The following IRS1 variants were observed in gnomAD, a reference collection of about 807,000 sequenced individuals.
The protein encoded by IRS1 is insulin receptor substrate 1.
Under a neutral mutation model 65.6 loss-of-function variants are expected in IRS1, and 34 were observed. The ratio of observed to expected loss-of-function variants is 0.52; its 90% CI spans 0.39 to 0.69. IRS1 has a LOEUF of 0.69. Ranked by LOEUF, IRS1 falls within the 30% of genes least tolerant of loss-of-function variation. The pLI, the probability that IRS1 is intolerant of heterozygous loss-of-function variation, is 0.00. For missense variants in IRS1, 1,641 were observed against 1,720.2 expected (o/e 0.95, Z 0.81); for synonymous variants, 699 against 683.5 (o/e 1.02, Z -0.35).
In IRS1 at chr2:226,794,844, A is replaced by G; in HGVS notation, c.*21+145T>C. 1 of 766,906 alleles carries G rather than the reference A, an allele frequency of 1.3e-6. No individual in the cohort carries two copies. The highest frequency in any genetic ancestry group is 1.5e-5 in the South Asian group (1 of 66,488). The allele number at this position is 766,906 out of a possible 1,614,324, so 47.5% of individuals were successfully genotyped here. Reference sequence around the variant, plus strand: ...CTCTGCCAGATGTCAGTGTGGGGTGAGCATCTTGTGTGCCCTGAGAATGTA... The same window carrying G: ...CTCTGCCAGATGTCAGTGTGGGGTGGGCATCTTGTGTGCCCTGAGAATGTA... On this transcript the variant is annotated intron_variant, in intron 1 of 1. Coordinates refer to ENST00000305123, the MANE Select transcript of IRS1 (RefSeq NM_005544.3). The surrounding 1 kb of genome is among the most constrained non-coding windows in gnomAD (Gnocchi z 4.1).
intron 1 of IRS1, chr2:226,792,040 G>A (rs1303719757): frequency 2.0e-5 from 3 of 152,404 alleles, no homozygotes; most frequent in African/African-American, 4.8e-5. Context: ...TGGGGAAAGG[G>A]GAGGGAGGGG....
chr2:226,768,707 G>A (rs1402292126), intron 1 of IRS1, among the ~76,000 whole-genome samples: 2 of 152,078 alleles, frequency 1.3e-5, no homozygotes, highest in Non-Finnish European at 2.9e-5. Context: ...CGCTATCTCG[G>A]CTCGCTGCAA....
chr2:226,748,562 T>G (rs1938605925), intron 1 of IRS1, among the ~76,000 whole-genome samples: 1 of 152,154 alleles, frequency 6.6e-6, no homozygotes, highest in Non-Finnish European at 1.5e-5. Context: ...AAGAGGCTAT[T>G]CCTAAATCAG....
chr2:226,781,865 TACACACAC>T (rs34695433), intron 1 of IRS1, among the ~76,000 whole-genome samples: 154 of 131,594 alleles, frequency 1.2e-3, no homozygotes, highest in East Asian at 8.6e-3. Flanking sequence ...CACCCCTAAA[TACACACAC>T]ACACACACAC....
At chr2:226,756,032 C>T in intron 1 of IRS1, among the ~76,000 whole-genome samples, 1 of 152,200 alleles carries the variant, frequency 6.6e-6, no homozygotes, top group Non-Finnish European at 1.5e-5. Flanking sequence ...CACTCACTTT[C>T]AGCCTTATAA....
intron 1 of IRS1, among the ~76,000 whole-genome samples, chr2:226,767,078 A>G (rs1481622107): frequency 6.6e-6 from 1 of 152,190 alleles, no homozygotes; most frequent in Non-Finnish European, 1.5e-5. Flanking sequence ...TTAGTGCCAA[A>G]TGTTTCTACT....
rs769425915 is a variant in IRS1 at position 226,797,123 on chromosome 2, G to A, written c.1616C>T (p.Thr539Ile). 2 of 1,613,732 alleles carry A rather than the reference G, an allele frequency of 1.2e-6. No individual in the cohort carries two copies. The highest frequency in any genetic ancestry group is 1.7e-6 in the Non-Finnish European group (2 of 1,180,026). Residue 539 changes from threonine to isoleucine, a missense_variant, in exon 1 of 2, where the codon ACC becomes ATC. Coordinates refer to ENST00000305123, the MANE Select transcript of IRS1 (RefSeq NM_005544.3). The surrounding 1 kb of genome is among the most constrained non-coding windows in gnomAD (Gnocchi z 8.1). ...GTSPTITHQK[T>I]PSQSSVASIE... ...GGAAGCCACTGAGGACTGGGACGGG[G>A]TCTTCTGGTGGGTAATGGTAGGGGA... is the stretch of plus-strand genomic sequence containing the variant.
chr2:226,767,441 G>A (rs112344463), intron 1 of IRS1, among the ~76,000 whole-genome samples: 1 of 152,188 alleles, frequency 6.6e-6, no homozygotes, highest in Non-Finnish European at 1.5e-5. Context: ...TGGAATGTTT[G>A]GTGGAGGCTT....
intron 1 of IRS1, among the ~76,000 whole-genome samples, chr2:226,776,064 A>G (rs1338069641): frequency 2.6e-5 from 4 of 152,188 alleles, no homozygotes; most frequent in African/African-American, 9.7e-5. Context: ...TGATGATTTT[A>G]GAACTGGGGC....
At chr2:226,766,353 G>A (rs1281798509) in intron 1 of IRS1, among the ~76,000 whole-genome samples, 2 of 149,532 alleles carry the variant, frequency 1.3e-5, no homozygotes, top group Non-Finnish European at 3.0e-5. Context: ...TAGTAGAGAC[G>A]GGGTTTTGCC....
chr2:226,768,511 C>T (rs867616870), intron 1 of IRS1, among the ~76,000 whole-genome samples: 24 of 152,106 alleles, frequency 1.6e-4, no homozygotes, highest in African/African-American at 4.8e-4. Context: ...ATAAACCAAA[C>T]CAAAGCCAAA....
At chr2:226,754,630 G>A (rs1033025051) in intron 1 of IRS1, among the ~76,000 whole-genome samples, 3 of 152,132 alleles carry the variant, frequency 2.0e-5, no homozygotes, top group African/African-American at 7.2e-5. Flanking sequence ...TAAAAAGCAT[G>A]GGTGGAAGTA....
rs1574666723 is a variant in IRS1, at chr2:226,797,808, T to G, written c.931A>C (p.Thr311Pro). 2 of 1,597,402 alleles carry G rather than the reference T, an allele frequency of 1.3e-6. No individual in the cohort carries two copies. Among genetic ancestry groups the G allele is most frequent in the Non-Finnish European group, 1.7e-6 (2 of 1,173,944 alleles). ...RRSRTESITATSPASMVGGKP... is the reference protein window; with the variant it reads ...RRSRTESITAPSPASMVGGKP... Reference sequence around the variant, plus strand: ...CCGCCCACCATGCTGGCCGGGGAGGTGGCGGTGATGCTCTCAGTGCGTGAT... The same window carrying G: ...CCGCCCACCATGCTGGCCGGGGAGGGGGCGGTGATGCTCTCAGTGCGTGAT... The change falls in exon 1 of 2, where the codon ACC becomes CCC. Residue 311 changes from threonine (T) to proline (P), a missense_variant. Transcript: ENST00000305123. The surrounding 1 kb of genome is among the most constrained non-coding windows in gnomAD (Gnocchi z 8.1).
At chr2:226,766,022 C>T (rs1939022726) in intron 1 of IRS1, among the ~76,000 whole-genome samples, 1 of 145,758 alleles carries the variant, frequency 6.9e-6, no homozygotes, top group South Asian at 2.2e-4. Flanking sequence ...GTTTCAACTT[C>T]GACTTCTTGT....
intron 1 of IRS1, among the ~76,000 whole-genome samples, chr2:226,775,933 CT>C (rs572926231): frequency 5.4e-5 from 8 of 149,200 alleles, no homozygotes; most frequent in Middle Eastern, 7.0e-3. Context: ...TGCAACTATC[CT>C]TTTTTTTTTC....
chr2:226,777,432 A>C (rs1314909077), intron 1 of IRS1, among the ~76,000 whole-genome samples: 2 of 152,220 alleles, frequency 1.3e-5, no homozygotes, highest in Non-Finnish European at 2.9e-5. Flanking sequence ...AAAGTTCCTT[A>C]CCACTTATAG....
At chr2:226,746,089 T>C (rs932016962) in intron 1 of IRS1, among the ~76,000 whole-genome samples, 1 of 151,940 alleles carries the variant, frequency 6.6e-6, no homozygotes, top group African/African-American at 2.4e-5. Context: ...ATGAATGCTA[T>C]CTACAGAAAC....
rs371585893 is a variant in IRS1 at position 226,798,286 on chromosome 2, G to A, written c.453C>T (p.Tyr151=). Residue 151 remains tyrosine (Y), a synonymous_variant, in exon 1 of 2, where the codon TAC becomes TAT. Transcript: ENST00000305123. This position sits in a 1 kb window ranked among gnomAD's most constrained non-coding sequence, Gnocchi z 9.4. ...GLGEAGEDLS[Y]GDVPPGPAFK... ...ATGCGGGTCCTGGGGGCACGTCACCGTAGCTCAAGTCCTCCCCAGCCTCAC... is the reference window on the plus strand; with the variant it reads ...ATGCGGGTCCTGGGGGCACGTCACCATAGCTCAAGTCCTCCCCAGCCTCAC... The A allele has an allele frequency of 2.5e-6, 4 of 1,612,870 alleles. No homozygotes were observed. Among genetic ancestry groups the A allele is most frequent in the Non-Finnish European group, 3.4e-6 (4 of 1,179,906 alleles).
chr2:226,776,776 G>C (rs946198907), intron 1 of IRS1, among the ~76,000 whole-genome samples: 1 of 152,054 alleles, frequency 6.6e-6, no homozygotes, highest in Non-Finnish European at 1.5e-5. Flanking sequence ...GCATGGTGGC[G>C]CACACCCATA....
Sources: gnomAD v4.1 joint callset for allele counts (sites outside exome capture counted in the v4.1 genomes callset) on GRCh38, gnomAD v4.1.1 for gene constraint, Gnocchi (gnomAD v3.1) non-coding constraint, MANE v1.5 for transcripts, NCBI Gene and HGNC (gene_info 2026-07-23, HGNC 2026-07-21) for gene names.